PRTG: variants seen among roughly 807,000 people sequenced by gnomAD.
The protein encoded by PRTG is immunoglobulin superfamily, DCC subclass, member 5.
In PRTG, 67 loss-of-function variants were observed where a neutral mutation model predicts 122.5. That is an observed-to-expected ratio of 0.55 (90% confidence interval 0.45 to 0.67). The LOEUF is 0.67. Ranked by LOEUF, PRTG falls within the 30% of genes least tolerant of loss-of-function variation. The probability of loss-of-function intolerance (pLI) is 0.00; values close to 1 mark genes in which losing one functional copy is unlikely to be tolerated. For synonymous variants in PRTG, 554 were observed against 501.1 expected (o/e 1.11, Z -1.41); for missense variants, 1,435 against 1,415.4 (o/e 1.01, Z -0.22).
At chr15:55,677,553 G>A (rs2059509543) in intron 8 of PRTG, among the ~76,000 whole-genome samples, 1 of 152,130 alleles carries the variant, frequency 6.6e-6, no homozygotes, top group South Asian at 2.1e-4. Flanking sequence ...AGGCAGTGAT[G>A]CTTTGCATTA....
At position 55,637,185 on chromosome 15, in the gene PRTG, C is replaced by G. The variant is rs756715769; in HGVS notation, c.2608G>C (p.Val870Leu). Residue 870 changes from valine (V) to leucine (L), a missense_variant, in exon 15 of 20, where the codon GTC becomes CTC. Transcript: ENST00000389286. ...RKAWIAGEWQ[V>L]LHREGAITMA... ...TGATATTTACCTTCACGGTGTAAGACCTGCCACTCTCCTGCAATCCAGGCC... is the reference window on the plus strand; with the variant it reads ...TGATATTTACCTTCACGGTGTAAGAGCTGCCACTCTCCTGCAATCCAGGCC... 3 of 1,596,778 alleles carry G rather than the reference C, an allele frequency of 1.9e-6. No homozygotes were observed. Among genetic ancestry groups the G allele is most frequent in the Non-Finnish European group, 2.6e-6 (3 of 1,171,396 alleles).
At chr15:55,661,776 G>A (rs1425073600) in intron 11 of PRTG, among the ~76,000 whole-genome samples, 4 of 151,916 alleles carry the variant, frequency 2.6e-5, no homozygotes, top group Admixed American at 2.6e-4. Flanking sequence ...TTGTCTGCTA[G>A]AAAGCTTGCC....
At chr15:55,630,008 A>G (rs2059218542) in intron 15 of PRTG, among the ~76,000 whole-genome samples, 1 of 139,528 alleles carries the variant, frequency 7.2e-6, no homozygotes. Flanking sequence ...TTTTTTTGAG[A>G]CGGAGTCTCA....
At chr15:55,705,143 A>C (rs2030049556) in intron 2 of PRTG, among the ~76,000 whole-genome samples, 1 of 152,152 alleles carries the variant, frequency 6.6e-6, no homozygotes, top group African/African-American at 2.4e-5. Flanking sequence ...ATGGAGCTGG[A>C]AGTCAAATGG....
intron 11 of PRTG, among the ~76,000 whole-genome samples, chr15:55,659,728 T>TG (rs975768403): frequency 6.6e-6 from 1 of 152,120 alleles, no homozygotes; most frequent in Non-Finnish European, 1.5e-5. Context: ...TAGACCAGCC[T>TG]GGGCAACACG....
Position 55,675,599 on chromosome 15 carries a change from T to A in PRTG, c.1466A>T (p.Tyr489Phe), listed in dbSNP as rs781065517. ...IIDDLEPASN[Y>F]TFYIVAYMPM... Reference sequence around the variant, plus strand: ...CATATATGCTACAATGTAGAAAGTATAATTGCTGGCAGGCTCTAAGTCATC... The same window carrying A: ...CATATATGCTACAATGTAGAAAGTAAAATTGCTGGCAGGCTCTAAGTCATC... Residue 489 changes from tyrosine (Y) to phenylalanine (F), a missense_variant, in exon 9 of 20, where the codon TAT becomes TTT. Transcript: ENST00000389286. 4.3e-6 allele frequency: 7 copies of A among 1,609,802 alleles called. No individual in the cohort carries two copies. In the East Asian group the frequency reaches 1.6e-4, roughly 36 times the overall value.
At chr15:55,667,308 T>C (rs746727162) in intron 11 of PRTG, among the ~76,000 whole-genome samples, 1 of 152,114 alleles carries the variant, frequency 6.6e-6, no homozygotes, top group Non-Finnish European at 1.5e-5. Flanking sequence ...TAGCTGCAAA[T>C]TGGCAAATGA....
At position 55,680,631 on chromosome 15, in the gene PRTG, T is replaced by TCCTCC; in HGVS notation, c.677-4_677-3insGGAGG. The TCCTCC allele has an allele frequency of 6.7e-7, 1 of 1,500,818 alleles. No homozygotes were observed. The highest frequency in any genetic ancestry group is 8.9e-7 in the Non-Finnish European group (1 of 1,121,350). 93.0% of individuals were successfully genotyped at this position (1,500,818 alleles called of 1,614,324 possible). A position where few individuals can be genotyped will look rare whatever the true frequency, so the allele number is the denominator to read the frequency against. On this transcript the variant is annotated splice_polypyrimidine_tract_variant and splice_region_variant and intron_variant, in intron 4 of 19. Coordinates refer to ENST00000389286, the MANE Select transcript of PRTG (RefSeq NM_173814.6). Reference sequence around the variant, plus strand: ...GTGGAAGGATTTTGACTCCTTAGCTTTGGGGAGGAAAAGACAGAATATAAA... The same window carrying TCCTCC: ...GTGGAAGGATTTTGACTCCTTAGCTTCCTCCTGGGGAGGAAAAGACAGAATATAAA...
intron 2 of PRTG, among the ~76,000 whole-genome samples, chr15:55,698,792 A>C (rs1309823267): frequency 6.6e-6 from 1 of 151,994 alleles, no homozygotes; most frequent in Non-Finnish European, 1.5e-5. Flanking sequence ...CTGACTCTCA[A>C]ATTAGGGCAG....
At chr15:55,622,193 A>G (rs965273584) in intron 18 of PRTG, among the ~76,000 whole-genome samples, 7 of 149,464 alleles carry the variant, frequency 4.7e-5, no homozygotes, top group African/African-American at 1.5e-4. Context: ...TAATAATACA[A>G]TCACAGTTAC....
chr15:55,710,026 T>A (rs2030317151), intron 2 of PRTG, among the ~76,000 whole-genome samples: 1 of 151,994 alleles, frequency 6.6e-6, no homozygotes, highest in Non-Finnish European at 1.5e-5. Flanking sequence ...TTTTTAAATC[T>A]GAAAAAAAAC....
chr15:55,656,812 T>C (rs1159772972), intron 11 of PRTG, among the ~76,000 whole-genome samples: 1 of 152,248 alleles, frequency 6.6e-6, no homozygotes, highest in East Asian at 1.9e-4. Context: ...AGCAGTATAA[T>C]TGTCTTAGTG....
chr15:55,679,661 T>C (rs773868684), intron 6 of PRTG: 11 of 482,154 alleles, frequency 2.3e-5, no homozygotes, highest in East Asian at 1.4e-4. Context: ...AGCATCTATA[T>C]AGACACACTT....
intron 2 of PRTG, among the ~76,000 whole-genome samples, chr15:55,728,717 T>C (rs921570770): frequency 6.6e-6 from 1 of 152,062 alleles, no homozygotes; most frequent in African/African-American, 2.4e-5. Context: ...CTATCACCAC[T>C]GTGATTTAAC....
chr15:55,630,209 A>G (rs1414737422), intron 15 of PRTG, among the ~76,000 whole-genome samples: 3 of 152,056 alleles, frequency 2.0e-5, no homozygotes, highest in African/African-American at 7.2e-5. Flanking sequence ...GATGGTCTCG[A>G]TCTCCTGCCC....
intron 2 of PRTG, among the ~76,000 whole-genome samples, chr15:55,719,452 G>C (rs1326233966): frequency 6.6e-6 from 1 of 152,282 alleles, no homozygotes; most frequent in East Asian, 1.9e-4. Flanking sequence ...AGAAAAGAAT[G>C]AATGTCTATT....
At chr15:55,626,064 C>T (rs2059192997) in intron 17 of PRTG, among the ~76,000 whole-genome samples, 1 of 152,094 alleles carries the variant, frequency 6.6e-6, no homozygotes, top group South Asian at 2.1e-4. Flanking sequence ...ACAAGTGTGC[C>T]ATTATTATTA....
intron 1 of PRTG, among the ~76,000 whole-genome samples, chr15:55,741,493 C>T (rs1001888678): frequency 1.3e-5 from 2 of 152,244 alleles, no homozygotes; most frequent in African/African-American, 2.4e-5. Flanking sequence ...AGAGGAAAGG[C>T]TTTATCCTAA....
intron 2 of PRTG, among the ~76,000 whole-genome samples, chr15:55,714,753 C>T (rs1209788187): frequency 6.6e-6 from 1 of 152,076 alleles, no homozygotes; most frequent in Non-Finnish European, 1.5e-5. Context: ...ATTTTTTCTA[C>T]CTAAAAATGC....
Sources: gnomAD v4.1 joint callset for allele counts (sites outside exome capture counted in the v4.1 genomes callset) on GRCh38, gnomAD v4.1.1 for gene constraint, MANE v1.5 for transcripts, NCBI Gene and HGNC (gene_info 2026-07-23, HGNC 2026-07-21) for gene names.